PDE4D: variants seen among roughly 807,000 people sequenced by gnomAD.
PDE4D encodes phosphodiesterase 4D, also known as 3',5'-cyclic-AMP phosphodiesterase 4D.
In PDE4D, 24 loss-of-function variants were observed where a neutral mutation model predicts 87.4. The ratio of observed to expected loss-of-function variants is 0.27; its 90% CI spans 0.20 to 0.39. PDE4D has a LOEUF of 0.39. Among genes scored for constraint, PDE4D ranks in the 10% least tolerant of loss-of-function variants. PDE4D has a pLI of 1.00. For synonymous variants in PDE4D, 384 were observed against 383.2 expected (o/e 1.00, Z -0.02); for missense variants, 714 against 1,041.0 (o/e 0.69, Z 4.32).
At chr5:59,423,042 A>G (rs1252159047) in intron 1 of PDE4D, among the ~76,000 whole-genome samples, 6 of 152,208 alleles carry the variant, frequency 3.9e-5, no homozygotes, top group African/African-American at 1.2e-4. Flanking sequence ...AAATGAAATA[A>G]AGAATTATTG....
intron 1 of PDE4D, among the ~76,000 whole-genome samples, chr5:59,245,465 T>C (rs1758666632): frequency 6.6e-6 from 1 of 152,160 alleles, no homozygotes; most frequent in Non-Finnish European, 1.5e-5. Context: ...GTTATCTGTT[T>C]ACTTCTAATT....
At chr5:59,692,701 T>C (rs1308496188) in intron 1 of PDE4D, among the ~76,000 whole-genome samples, 5 of 152,154 alleles carry the variant, frequency 3.3e-5, no homozygotes, top group Admixed American at 3.3e-4. Context: ...AAGCCCTACA[T>C]AGAAGCACAT....
chr5:59,455,662 T>C (rs1446281101), intron 1 of PDE4D, among the ~76,000 whole-genome samples: 1 of 152,126 alleles, frequency 6.6e-6, no homozygotes, highest in Non-Finnish European at 1.5e-5. Flanking sequence ...GCCAGAATGG[T>C]AGGTCCACTG....
At chr5:59,245,571 T>C (rs929629595) in intron 1 of PDE4D, among the ~76,000 whole-genome samples, 2 of 152,068 alleles carry the variant, frequency 1.3e-5, no homozygotes, top group Admixed American at 1.3e-4. Flanking sequence ...TTTCGAAAAA[T>C]CTTACCAAAT....
At chr5:59,077,589 C>A (rs909884829) in intron 5 of PDE4D, among the ~76,000 whole-genome samples, 1 of 151,608 alleles carries the variant, frequency 6.6e-6, no homozygotes, top group African/African-American at 2.4e-5. Flanking sequence ...TGCATCAGCC[C>A]CCTGAGTAGC....
At chr5:59,398,482 CATG>C (rs1202425486) in intron 1 of PDE4D, among the ~76,000 whole-genome samples, 1 of 131,632 alleles carries the variant, frequency 7.6e-6, no homozygotes, top group Non-Finnish European at 1.6e-5. Context: ...ACAAAAACCA[CATG>C]ATTATCTCAA....
chr5:60,048,201 T>C (rs919327501), intron 2 of PDE4D, among the ~76,000 whole-genome samples: 2 of 151,812 alleles, frequency 1.3e-5, no homozygotes, highest in African/African-American at 4.8e-5. Context: ...TGCCTTTTTT[T>C]GTTTTCCATT....
chr5:59,206,660 T>C (rs1240519447), intron 2 of PDE4D, among the ~76,000 whole-genome samples: 1 of 152,186 alleles, frequency 6.6e-6, no homozygotes. Context: ...CCAAACAATT[T>C]TTTTGTCTTA....
At chr5:59,994,959 T>C (rs908357542) in intron 2 of PDE4D, among the ~76,000 whole-genome samples, 8 of 152,192 alleles carry the variant, frequency 5.3e-5, no homozygotes, top group Non-Finnish European at 8.8e-5. Context: ...GGCACCTCCT[T>C]TTGCTTAAGC....
chr5:59,942,685 C>T (rs1265195049), intron 3 of PDE4D, among the ~76,000 whole-genome samples: 1 of 151,868 alleles, frequency 6.6e-6, no homozygotes, highest in African/African-American at 2.4e-5. Context: ...GTTCTTCTTA[C>T]TAAAAATGAT....
At chr5:59,534,904 C>T (rs1245345717) in intron 1 of PDE4D, among the ~76,000 whole-genome samples, 4 of 152,030 alleles carry the variant, frequency 2.6e-5, no homozygotes, top group Admixed American at 2.6e-4. Flanking sequence ...AACCTTTGGG[C>T]CAGGTTTGAA....
chr5:59,402,322 AGAGT>A (rs1369402080), intron 1 of PDE4D, among the ~76,000 whole-genome samples: 1 of 152,238 alleles, frequency 6.6e-6, no homozygotes, highest in African/African-American at 2.4e-5. Flanking sequence ...AATCATCTTT[AGAGT>A]GAGAGCTGAA....
At chr5:59,841,848 G>A (rs1034671476) in intron 1 of PDE4D, among the ~76,000 whole-genome samples, 3 of 152,024 alleles carry the variant, frequency 2.0e-5, no homozygotes. Flanking sequence ...AGAGAGCAAG[G>A]TCCACTCAAG....
chr5:59,365,332 G>A (rs1782882916), intron 1 of PDE4D, among the ~76,000 whole-genome samples: 1 of 151,942 alleles, frequency 6.6e-6, no homozygotes, highest in Non-Finnish European at 1.5e-5. Context: ...GGTGGTGCAT[G>A]CCTGGGGTCC....
intron 6 of PDE4D, among the ~76,000 whole-genome samples, chr5:59,016,390 C>CTTTTTTTTT (rs35622981): frequency 6.6e-4 from 52 of 78,532 alleles, no homozygotes; most frequent in African/African-American, 8.6e-4. Flanking sequence ...TCAGTCTGTT[C>CTTTTTTTTT]TTTTTTTTTT....
chr5:59,352,298 C>A (rs1780653858), intron 1 of PDE4D, among the ~76,000 whole-genome samples: 1 of 152,132 alleles, frequency 6.6e-6, no homozygotes, highest in Non-Finnish European at 1.5e-5. Flanking sequence ...TTTTCACTTA[C>A]CCTAAAGAAT....
intron 2 of PDE4D, among the ~76,000 whole-genome samples, chr5:60,098,104 A>C (rs1775855599): frequency 6.6e-6 from 1 of 151,972 alleles, no homozygotes; most frequent in South Asian, 2.1e-4. Context: ...ACAGTGATTT[A>C]AGATTGACTT....
At chr5:60,187,833 CTCCACTGGCATTCTATG>C (rs1784903555) in intron 1 of PDE4D, among the ~76,000 whole-genome samples, 2 of 152,258 alleles carry the variant, frequency 1.3e-5, no homozygotes, top group Admixed American at 1.3e-4. Context: ...AATTTCAGCT[CTCCACTGGCATTCTATG>C]TAGCTTTTAG....
intron 5 of PDE4D, chr5:59,166,356 G>A (rs1257893887): frequency 6.6e-6 from 1 of 152,124 alleles, no homozygotes; most frequent in African/African-American, 2.4e-5. Flanking sequence ...CTGATCCACT[G>A]GTCTTAGATA....
Sources: gnomAD v4.1 joint callset for allele counts (sites outside exome capture counted in the v4.1 genomes callset) on GRCh38, gnomAD v4.1.1 for gene constraint, MANE v1.5 for transcripts, NCBI Gene and HGNC (gene_info 2026-07-23, HGNC 2026-07-21) for gene names.